The following ZFPM2 variants were observed in gnomAD, a reference collection of about 807,000 sequenced individuals.
ZFPM2 encodes zinc finger protein ZFPM2.
A neutral mutation model predicts 98.6 loss-of-function variants in ZFPM2; 20 were observed. The observed-to-expected ratio is 0.20, with a 90% CI of 0.14 to 0.29. The LOEUF (loss-of-function observed/expected upper bound fraction) is 0.29, where lower values mean the gene tolerates loss of function less well. Ranked by LOEUF, ZFPM2 falls within the 10% of genes least tolerant of loss-of-function variation. The pLI is 1.00. For missense variants in ZFPM2, 1,310 were observed against 1,388.6 expected, an observed-to-expected ratio of 0.94 and a Z score of 0.90; for synonymous variants, 518 against 502.7, an observed-to-expected ratio of 1.03 and a Z score of -0.41.
In ZFPM2 at chr8:105,500,453, C is replaced by A. The variant is rs569232776; in HGVS notation, c.301+56072C>A. On this transcript the variant is annotated intron_variant, in intron 3 of 7. Transcript: ENST00000407775. ...CAACTAAATGAGGTGTCATTTCTGG[C>A]CTGTATCCCTTCTGTGTATGTTATA... 3.3e-5 allele frequency among the ~76,000 whole-genome samples: 5 copies of A among 152,166 alleles called. No individual in the cohort carries two copies. The East Asian group carries it at 9.6e-4, about 29-fold the overall frequency.
chr8:105,435,153 G>A (rs1812095576), intron 2 of ZFPM2, among the ~76,000 whole-genome samples: 1 of 151,984 alleles, frequency 6.6e-6, no homozygotes, highest in South Asian at 2.1e-4. Flanking sequence ...CCTCCTATAG[G>A]ACTCTCATTG....
chr8:105,743,475 G>C (rs1812270613), intron 5 of ZFPM2, among the ~76,000 whole-genome samples: 1 of 152,046 alleles, frequency 6.6e-6, no homozygotes, highest in South Asian at 2.1e-4. Context: ...GGAAAGAATA[G>C]TGTGGACTCA....
At chr8:105,628,419 G>A (rs745400028) in intron 4 of ZFPM2, among the ~76,000 whole-genome samples, 27 of 152,094 alleles carry the variant, frequency 1.8e-4, no homozygotes, top group Non-Finnish European at 3.4e-4. Context: ...GAAATTCTAG[G>A]CAGAAAAGGG....
At chr8:105,740,458 A>G (rs1337615429) in intron 5 of ZFPM2, among the ~76,000 whole-genome samples, 2 of 148,794 alleles carry the variant, frequency 1.3e-5, no homozygotes, top group Non-Finnish European at 3.0e-5. Context: ...TTAACTAATT[A>G]TAGCTGTGCA....
At chr8:105,534,142 T>TCCTTCCTCC (rs1814386000) in intron 3 of ZFPM2, among the ~76,000 whole-genome samples, 1 of 48,968 alleles carries the variant, frequency 2.0e-5, no homozygotes, top group Non-Finnish European at 3.8e-5. Flanking sequence ...TTCCTTCCTT[T>TCCTTCCTCC]CTTCCTTCCT....
chr8:105,519,260 G>A (rs1814001127), intron 3 of ZFPM2, among the ~76,000 whole-genome samples: 1 of 151,944 alleles, frequency 6.6e-6, no homozygotes, highest in African/African-American at 2.4e-5. Flanking sequence ...ATAATTGGTG[G>A]GTGAGAAGAA....
Position 105,609,588 on chromosome 8 carries a change from G to A in ZFPM2, c.421-24658G>A, listed in dbSNP as rs146985899. The stretch of plus-strand genomic sequence containing the variant: ...TTGCCAAAGTTACATGGAAATGTGC[G>A]TTCTTATATCACTGCCCCGCCTTGC... On this transcript the variant is annotated intron_variant, in intron 4 of 7. Transcript: ENST00000407775. 2.5e-3 allele frequency among the ~76,000 whole-genome samples: 381 copies of A among 152,224 alleles called. 1 individual carries two copies. The highest frequency in any genetic ancestry group is 0.01 in the Middle Eastern group (3 of 294).
chr8:105,735,257 A>G (rs1424173813), intron 5 of ZFPM2, among the ~76,000 whole-genome samples: 1 of 151,224 alleles, frequency 6.6e-6, no homozygotes, highest in Non-Finnish European at 1.5e-5. Context: ...AGCATTATTT[A>G]TTGAAAATAT....
intron 2 of ZFPM2, among the ~76,000 whole-genome samples, chr8:105,423,605 A>T (rs1811846379): frequency 6.6e-6 from 1 of 152,150 alleles, no homozygotes; most frequent in Admixed American, 6.5e-5. Context: ...TAAGTGCTAC[A>T]TATTTCCTGT....
intron 1 of ZFPM2, 50 bp downstream of exon 1, chr8:105,319,031 G>T (rs559498287): frequency 2.0e-6 from 3 of 1,468,036 alleles, no homozygotes; most frequent in African/African-American, 1.4e-5. Flanking sequence ...GCCCAGGAGC[G>T]GGGTGCGCGG....
Position 105,564,601 on chromosome 8 carries a change from C to A in ZFPM2, c.420+3120C>A, listed in dbSNP as rs180896170. ...CTGTGAATTTGGTTCTATCATAAATCATATTTTACAGATAAGAAAATAAAA... is the reference window on the plus strand; with the variant it reads ...CTGTGAATTTGGTTCTATCATAAATAATATTTTACAGATAAGAAAATAAAA... On this transcript the variant is annotated intron_variant, in intron 4 of 7. Transcript: ENST00000407775. Among the ~76,000 whole-genome samples the A allele has an allele frequency of 1.3e-3, 202 of 152,122 alleles. 2 individuals carry two copies. The highest frequency in any genetic ancestry group is 4.7e-3 in the African/African-American group (197 of 41,540).
chr8:105,447,609 T>C (rs1936661284), intron 3 of ZFPM2, among the ~76,000 whole-genome samples: 1 of 152,126 alleles, frequency 6.6e-6, no homozygotes, highest in Admixed American at 6.5e-5. Flanking sequence ...TTCAAGGTCT[T>C]CTAATTTTAA....
chr8:105,589,640 A>G (rs1345442114), intron 4 of ZFPM2, among the ~76,000 whole-genome samples: 1 of 152,138 alleles, frequency 6.6e-6, no homozygotes, highest in Non-Finnish European at 1.5e-5. Context: ...CACAAAACAC[A>G]TTACTTGCTT....
chr8:105,396,588 T>C (rs1207361214), intron 1 of ZFPM2, among the ~76,000 whole-genome samples: 2 of 152,160 alleles, frequency 1.3e-5, no homozygotes, highest in Non-Finnish European at 2.9e-5. Context: ...GGAATGAAGA[T>C]TGGTTCAGAC....
chr8:105,493,057 A>G (rs1258343948), intron 3 of ZFPM2, among the ~76,000 whole-genome samples: 1 of 152,210 alleles, frequency 6.6e-6, no homozygotes, highest in Non-Finnish European at 1.5e-5. Context: ...AGCAGCATTT[A>G]TAAGAAATAA....
At chr8:105,524,171 T>G (rs1265123260) in intron 3 of ZFPM2, among the ~76,000 whole-genome samples, 2 of 152,194 alleles carry the variant, frequency 1.3e-5, no homozygotes, top group African/African-American at 2.4e-5. Flanking sequence ...ATAACTATGT[T>G]AATGCTGGAA....
At position 105,368,795 on chromosome 8, in the gene ZFPM2, A is replaced by G. The variant is rs1239394030; in HGVS notation, c.40+49814A>G. Among the ~76,000 whole-genome samples the G allele has an allele frequency of 3.3e-5, 5 of 152,262 alleles. No individual in the cohort carries two copies. In the East Asian group the frequency reaches 9.7e-4, roughly 29 times the overall value. ...GAGGAGTAGGGGTTGTTGTGTTGGC[A>G]CAGCCCATCAGAGTGCCTGGTGCAT... On this transcript the variant is annotated intron_variant, in intron 1 of 7. Transcript: ENST00000407775.
chr8:105,608,398 C>A (rs929605377), intron 4 of ZFPM2, among the ~76,000 whole-genome samples: 7 of 152,102 alleles, frequency 4.6e-5, no homozygotes. Context: ...TTTTACACTT[C>A]TGATCATTAA....
chr8:105,558,496 C>T (rs1008967398), intron 3 of ZFPM2, among the ~76,000 whole-genome samples: 2 of 152,082 alleles, frequency 1.3e-5, no homozygotes, highest in Non-Finnish European at 2.9e-5. Context: ...TTTTGGTCTG[C>T]TTAAAATTTT....
Sources: gnomAD v4.1 joint callset for allele counts (sites outside exome capture counted in the v4.1 genomes callset) on GRCh38, gnomAD v4.1.1 for gene constraint, MANE v1.5 for transcripts, NCBI Gene and HGNC (gene_info 2026-07-23, HGNC 2026-07-21) for gene names.